The following DNAJC3 variants were observed in gnomAD, a reference collection of about 807,000 sequenced individuals.
The protein encoded by DNAJC3 is DnaJ heat shock protein family (Hsp40) member C3.
In DNAJC3, 38 loss-of-function variants were observed where a neutral mutation model predicts 68.6. That is an observed-to-expected ratio of 0.55 (90% confidence interval 0.43 to 0.73). The LOEUF is 0.73. Ranked by LOEUF, DNAJC3 falls within the 30% of genes least tolerant of loss-of-function variation. The probability of loss-of-function intolerance (pLI) is 0.00; values close to 1 mark genes in which losing one functional copy is unlikely to be tolerated. For synonymous variants in DNAJC3, 203 were observed against 204.0 expected (o/e 1.00, Z 0.04); for missense variants, 526 against 591.9 (o/e 0.89, Z 1.16).
chr13:95,742,874 ACTTTTCTCATAT>A (rs1882191304), intron 4 of DNAJC3: 1 of 513,196 alleles, frequency 1.9e-6, no homozygotes, highest in African/African-American at 1.9e-5. Context: ...AGGATCTAAA[ACTTTTCTCATAT>A]CTTCTAAAAG....
intron 1 of DNAJC3, among the ~76,000 whole-genome samples, chr13:95,677,726 G>T (rs576115588): frequency 6.6e-6 from 1 of 152,244 alleles, no homozygotes; most frequent in Non-Finnish European, 1.5e-5. Context: ...GTGCTGGCTG[G>T]GAGGAGGCAC....
chr13:95,733,973 T>C (rs897628595), intron 4 of DNAJC3, among the ~76,000 whole-genome samples: 5 of 152,180 alleles, frequency 3.3e-5, no homozygotes, highest in Non-Finnish European at 5.9e-5. Flanking sequence ...ATTACTGATA[T>C]GTGAGATTTC....
chr13:95,692,414 C>G (rs1227222240), intron 1 of DNAJC3: 1 of 152,066 alleles, frequency 6.6e-6, no homozygotes, highest in Non-Finnish European at 1.5e-5. Flanking sequence ...GATCTGTTTT[C>G]TTAGGTCTAG....
At chr13:95,774,757 C>G (rs1218901891) in intron 9 of DNAJC3, among the ~76,000 whole-genome samples, 1 of 152,124 alleles carries the variant, frequency 6.6e-6, no homozygotes, top group African/African-American at 2.4e-5. Context: ...TACTCTTTTT[C>G]TTGAAGTTTT....
intron 2 of DNAJC3, 148 bp downstream of exon 2, chr13:95,709,485 T>C: frequency 6.7e-6 from 4 of 597,500 alleles, no homozygotes; most frequent in South Asian, 2.5e-5. Flanking sequence ...GCGAAATAGA[T>C]GGATAAAATA....
chr13:95,768,737 G>A (rs1432030098), intron 9 of DNAJC3, among the ~76,000 whole-genome samples: 1 of 152,000 alleles, frequency 6.6e-6, no homozygotes, highest in East Asian at 1.9e-4. Context: ...CACTTTGGGA[G>A]GCCGAGGTGG....
chr13:95,783,811 CACAG>C (rs1186762111), intron 9 of DNAJC3, among the ~76,000 whole-genome samples: 6 of 152,118 alleles, frequency 3.9e-5, no homozygotes, highest in African/African-American at 1.4e-4. Context: ...AAATGAGGCT[CACAG>C]ACAATTTGAA....
intron 4 of DNAJC3, among the ~76,000 whole-genome samples, chr13:95,752,898 A>G (rs1430717509): frequency 1.3e-5 from 2 of 152,196 alleles, no homozygotes; most frequent in African/African-American, 4.8e-5. Flanking sequence ...TTAAGTGGTT[A>G]TGTGAATTTA....
chr13:95,760,207 C>T lies in DNAJC3; in HGVS notation c.714C>T (p.His238=), dbSNP rs754298023. ...ISTLYYQLGD[H]ELSLSEVREC... Reference sequence around the variant, plus strand: ...CACTGTACTACCAACTAGGAGACCACGAACTGTCCCTCAGGTCAGTTCTAG... The same window carrying T: ...CACTGTACTACCAACTAGGAGACCATGAACTGTCCCTCAGGTCAGTTCTAG... The change falls in exon 6 of 12, where the codon CAC becomes CAT. Residue 238 remains histidine, a synonymous_variant. Transcript: ENST00000602402. 6 of 1,590,868 alleles carry T rather than the reference C, an allele frequency of 3.8e-6. No homozygotes were observed. The highest frequency in any genetic ancestry group is 3.5e-5 in the South Asian group (3 of 86,312).
chr13:95,697,407 G>A (rs1788554236), intron 1 of DNAJC3, among the ~76,000 whole-genome samples: 1 of 152,150 alleles, frequency 6.6e-6, no homozygotes, highest in Admixed American at 6.5e-5. Flanking sequence ...CTCTTAATCT[G>A]ATGGGATTCC....
At chr13:95,683,968 A>G (rs928308884) in intron 1 of DNAJC3, among the ~76,000 whole-genome samples, 73 of 151,276 alleles carry the variant, frequency 4.8e-4, no homozygotes, top group African/African-American at 1.6e-3. Context: ...AGTTCCGGGT[A>G]TTTCTTTATA....
At chr13:95,678,951 C>T (rs1879840176) in intron 1 of DNAJC3, among the ~76,000 whole-genome samples, 1 of 152,028 alleles carries the variant, frequency 6.6e-6, no homozygotes, top group African/African-American at 2.4e-5. Context: ...GGACCATTGT[C>T]TGTGTAAAAT....
At chr13:95,762,184 C>A (rs1001524688) in intron 7 of DNAJC3, among the ~76,000 whole-genome samples, 5 of 152,220 alleles carry the variant, frequency 3.3e-5, no homozygotes, top group Admixed American at 3.3e-4. Context: ...ATCGCTTGAA[C>A]CCGGGAAGTT....
At chr13:95,711,859 G>A (rs1312107862) in intron 2 of DNAJC3, among the ~76,000 whole-genome samples, 1 of 152,090 alleles carries the variant, frequency 6.6e-6, no homozygotes, top group Non-Finnish European at 1.5e-5. Context: ...ATAACACTTG[G>A]ACACAGCTAC....
At chr13:95,712,370 T>G (rs184613543) in intron 2 of DNAJC3, among the ~76,000 whole-genome samples, 1 of 121,228 alleles carries the variant, frequency 8.2e-6, no homozygotes, top group Non-Finnish European at 1.8e-5. Flanking sequence ...GCCAATGCTT[T>G]TTTCTTTTTT....
intron 1 of DNAJC3, among the ~76,000 whole-genome samples, chr13:95,690,688 A>G (rs1593953020): frequency 8.7e-6 from 1 of 115,192 alleles, no homozygotes; most frequent in African/African-American, 3.4e-5. Flanking sequence ...TCCCTCCCGG[A>G]CGGGGCGGCT....
chr13:95,745,623 A>G (rs1307062157), intron 4 of DNAJC3: 1 of 152,194 alleles, frequency 6.6e-6, no homozygotes, highest in African/African-American at 2.4e-5. Context: ...TTGTTTTCAA[A>G]CAAATTCCTT....
intron 4 of DNAJC3, among the ~76,000 whole-genome samples, chr13:95,732,519 A>G (rs940903306): frequency 1.3e-5 from 2 of 151,438 alleles, no homozygotes; most frequent in South Asian, 4.2e-4. Context: ...ATGAGTTACA[A>G]TATTTCCTTT....
chr13:95,721,197 T>C (rs150777819), intron 2 of DNAJC3, among the ~76,000 whole-genome samples: 1 of 152,364 alleles, frequency 6.6e-6, no homozygotes, highest in South Asian at 2.1e-4. Context: ...CTTAGCATAA[T>C]GTTTTTAAGG....
Sources: gnomAD v4.1 joint callset for allele counts (sites outside exome capture counted in the v4.1 genomes callset) on GRCh38, gnomAD v4.1.1 for gene constraint, MANE v1.5 for transcripts, NCBI Gene and HGNC (gene_info 2026-07-23, HGNC 2026-07-21) for gene names.